STAG1: variants seen among roughly 807,000 people sequenced by gnomAD.
STAG1 encodes the protein cohesin subunit SA-1.
A neutral mutation model predicts 170.9 loss-of-function variants in STAG1; 26 were observed. The observed-to-expected ratio is 0.15, with a 90% CI of 0.11 to 0.21. The LOEUF is 0.21. Among genes scored for constraint, STAG1 ranks in the 10% least tolerant of loss-of-function variants. The pLI is 1.00. For synonymous variants in STAG1, 514 were observed against 497.7 expected (o/e 1.03, Z -0.44); for missense variants, 964 against 1,509.5 (o/e 0.64, Z 5.99).
Position 136,452,420 on chromosome 3 carries a change from C to T in STAG1, c.1314-273G>A, listed in dbSNP as rs531141631. ...TCTACTAAAAATACAAAAAATTAGCCGGGCATGGTGGCGGGCACCTGTAGT... is the reference window on the plus strand; with the variant it reads ...TCTACTAAAAATACAAAAAATTAGCTGGGCATGGTGGCGGGCACCTGTAGT... On this transcript the variant is annotated intron_variant, in intron 13 of 33. Coordinates refer to ENST00000383202, the MANE Select transcript of STAG1 (RefSeq NM_005862.3). Among the ~76,000 whole-genome samples, 26 of 151,602 alleles carry T rather than the reference C, an allele frequency of 1.7e-4. No individual in the cohort carries two copies. The South Asian group carries it at 3.8e-3, about 22-fold the overall frequency.
At chr3:136,449,261 G>A (rs2088868619) in intron 14 of STAG1, among the ~76,000 whole-genome samples, 1 of 151,628 alleles carries the variant, frequency 6.6e-6, no homozygotes, top group Admixed American at 6.6e-5. Context: ...TTTTGTAGCT[G>A]TGAAAAATGC....
intron 5 of STAG1, among the ~76,000 whole-genome samples, chr3:136,565,744 C>A (rs1937052873): frequency 6.6e-6 from 1 of 152,178 alleles, no homozygotes; most frequent in African/African-American, 2.4e-5. Context: ...TCAAAGTTGC[C>A]ATATTCACAA....
chr3:136,438,400 T>C (rs941506383), intron 15 of STAG1, among the ~76,000 whole-genome samples: 4 of 152,154 alleles, frequency 2.6e-5, no homozygotes, highest in African/African-American at 9.6e-5. Context: ...ACATTTTGGA[T>C]TTTTAGTAGA....
intron 1 of STAG1, among the ~76,000 whole-genome samples, chr3:136,633,244 T>C (rs1005772481): frequency 6.4e-5 from 9 of 141,088 alleles, no homozygotes; most frequent in South Asian, 4.4e-4. Flanking sequence ...AATGTGATCA[T>C]TGAAGTAAAA....
chr3:136,348,934 G>A, intron 29 of STAG1: 1 of 542,764 alleles, frequency 1.8e-6, no homozygotes, highest in East Asian at 3.2e-5. Flanking sequence ...TTCCTCTTTT[G>A]GGCTGTCTTC....
chr3:136,633,250 T>C (rs998139726), intron 1 of STAG1, among the ~76,000 whole-genome samples: 23 of 139,530 alleles, frequency 1.6e-4, no homozygotes, highest in African/African-American at 6.0e-4. Context: ...ATCATTGAAG[T>C]AAAAAAGGCA....
chr3:136,580,784 C>G (rs946070880), intron 4 of STAG1, among the ~76,000 whole-genome samples: 1 of 151,318 alleles, frequency 6.6e-6, no homozygotes, highest in African/African-American at 2.4e-5. Context: ...CCACCCGCCT[C>G]GGCCTCCCAA....
chr3:136,630,089 G>T (rs2107837529), intron 2 of STAG1, among the ~76,000 whole-genome samples: 1 of 152,260 alleles, frequency 6.6e-6, no homozygotes, highest in East Asian at 1.9e-4. Flanking sequence ...CAGCTACTCA[G>T]GAGGTCGAGG....
chr3:136,600,882 TTTGTTTTGTTTTG>T (rs1216532990), intron 4 of STAG1, among the ~76,000 whole-genome samples: 2 of 140,514 alleles, frequency 1.4e-5, no homozygotes, highest in Non-Finnish European at 3.1e-5. Context: ...TTTGTTTTGT[TTTGTTTTGTTTTG>T]TTTTGTTTTG....
chr3:136,506,245 GT>G (rs1933752226), intron 7 of STAG1, among the ~76,000 whole-genome samples: 1 of 152,158 alleles, frequency 6.6e-6, no homozygotes, highest in African/African-American at 2.4e-5. Context: ...TGAGTCTTAG[GT>G]TTTTGCCTTT....
At position 136,560,617 on chromosome 3, in the gene STAG1, T is replaced by C. The variant is rs1019797238; in HGVS notation, c.394+8148A>G. On this transcript the variant is annotated intron_variant, in intron 5 of 33. Transcript: ENST00000383202. ...TGAATATATCTATTACTACTACATA[T>C]TGAGTTAGCCAATTCTGAGGTTTCC... Among the ~76,000 whole-genome samples, 4 of 152,320 alleles carry C rather than the reference T, an allele frequency of 2.6e-5. No homozygotes were observed. In the South Asian group the frequency reaches 6.2e-4, roughly 24 times the overall value.
intron 1 of STAG1, among the ~76,000 whole-genome samples, chr3:136,632,927 T>A (rs1306015132): frequency 6.6e-6 from 1 of 151,896 alleles, no homozygotes; most frequent in Non-Finnish European, 1.5e-5. Flanking sequence ...TTTAGGTAAA[T>A]CTATCAGGTT....
intron 4 of STAG1, among the ~76,000 whole-genome samples, chr3:136,591,193 CAGTTTGTGG>C (rs1938147439): frequency 8.7e-6 from 1 of 114,358 alleles, no homozygotes. Context: ...TAAACACTGG[CAGTTTGTGG>C]ACAGAGTCTT....
chr3:136,641,300 T>TC (rs567447226), intron 1 of STAG1, among the ~76,000 whole-genome samples: 133 of 152,224 alleles, frequency 8.7e-4, no homozygotes, highest in African/African-American at 2.9e-3. Flanking sequence ...CTCCAGGAAA[T>TC]CCTTTTTTTT....
chr3:136,739,814 G>A (rs540834931), intron 1 of STAG1, among the ~76,000 whole-genome samples: 2 of 151,672 alleles, frequency 1.3e-5, no homozygotes, highest in Non-Finnish European at 2.9e-5. Flanking sequence ...ACAAGAGCAA[G>A]ACTTCATCTC....
chr3:136,498,277 A>AC (rs1258978375), intron 9 of STAG1, among the ~76,000 whole-genome samples: 5 of 113,992 alleles, frequency 4.4e-5, no homozygotes, highest in East Asian at 7.3e-4. Flanking sequence ...CACACACCAC[A>AC]CACACATACA....
intron 1 of STAG1, among the ~76,000 whole-genome samples, chr3:136,665,878 A>G (rs1941747722): frequency 6.6e-6 from 1 of 151,472 alleles, no homozygotes. Flanking sequence ...GATCGAGACC[A>G]TCCTGGCTAA....
Position 136,656,642 on chromosome 3 carries a change from T to TGTGTGTGTGTGC in STAG1, c.-83-25662_-83-25661insGCACACACACAC, listed in dbSNP as rs1941386019. Among the ~76,000 whole-genome samples the TGTGTGTGTGTGC allele has an allele frequency of 2.0e-5, 3 of 151,892 alleles. No individual in the cohort carries two copies. The South Asian group carries it at 6.2e-4, about 32-fold the overall frequency. On this transcript the variant is annotated intron_variant, in intron 1 of 33. Coordinates refer to ENST00000383202, the MANE Select transcript of STAG1 (RefSeq NM_005862.3). The stretch of plus-strand genomic sequence containing the variant: ...TTGTGTGTGTGTGTGTGTGTGTGTG[T>TGTGTGTGTGTGC]GTGTATCAAACCTATGGAGAAAAGG...
Position 136,416,302 on chromosome 3 carries a change from A to G in STAG1, c.2196+1583T>C, listed in dbSNP as rs951258349. On this transcript the variant is annotated intron_variant, in intron 21 of 33. Transcript: ENST00000383202. Reference sequence around the variant, plus strand: ...ATTACAGGTGTGAGCCACCGCGCCCAGCCCCTAAAGCCACAAAACTTTTAA... The same window carrying G: ...ATTACAGGTGTGAGCCACCGCGCCCGGCCCCTAAAGCCACAAAACTTTTAA... Among the ~76,000 whole-genome samples, 4 of 152,288 alleles carry G rather than the reference A, an allele frequency of 2.6e-5. No individual in the cohort carries two copies. In the South Asian group the frequency reaches 6.2e-4, roughly 24 times the overall value.
Sources: allele counts gnomAD v4.1 joint callset (sites outside exome capture counted in the v4.1 genomes callset), GRCh38; gene constraint gnomAD v4.1.1; transcripts MANE v1.5; gene names NCBI Gene and HGNC (gene_info 2026-07-23, HGNC 2026-07-21).